EDARADD: variants seen among roughly 807,000 people sequenced by gnomAD.
The protein encoded by EDARADD is ectodysplasin-A receptor-associated adapter protein.
EDARADD carries 20 observed loss-of-function variants against 25.6 expected under a neutral mutation model. That is an observed-to-expected ratio of 0.78 (90% CI 0.55 to 1.14). The LOEUF (loss-of-function observed/expected upper bound fraction) is 1.14, where lower values mean the gene tolerates loss of function less well. EDARADD is among the 50% of genes most tolerant of loss of function. The pLI, the probability that EDARADD is intolerant of heterozygous loss-of-function variation, is 0.00. For synonymous variants in EDARADD, 86 were observed against 94.4 expected, an observed-to-expected ratio of 0.91 and a Z score of 0.52; for missense variants, 225 against 270.1, an observed-to-expected ratio of 0.83 and a Z score of 1.17.
chr1:236,368,014 C>T (rs1026340784), intron 3 of EDARADD, among the ~76,000 whole-genome samples: 1 of 152,028 alleles, frequency 6.6e-6, no homozygotes, highest in Non-Finnish European at 1.5e-5. Context: ...GAGGCTGAAG[C>T]AGGAGGATCA....
At position 236,455,842 on chromosome 1, in the gene EDARADD, A is replaced by T. The variant is rs764765280; in HGVS notation, c.220-12389A>T. On this transcript the variant is annotated intron_variant, in intron 4 of 5. Transcript: ENST00000334232. ...TCTCGCTCTGTCACCCAGGCTGGAGAGCAGTTGCGCGATCTTTGCTCACTG... is the reference window on the plus strand; with the variant it reads ...TCTCGCTCTGTCACCCAGGCTGGAGTGCAGTTGCGCGATCTTTGCTCACTG... Among the ~76,000 whole-genome samples, 50 of 151,340 alleles carry T rather than the reference A, an allele frequency of 3.3e-4. 1 individual carries two copies. The highest frequency in any genetic ancestry group is 9.5e-4 in the African/African-American group (39 of 41,224).
chr1:236,451,768 G>A (rs1286829993), intron 4 of EDARADD, among the ~76,000 whole-genome samples: 3 of 152,086 alleles, frequency 2.0e-5, no homozygotes, highest in Admixed American at 6.5e-5. Flanking sequence ...TCTGAAATTT[G>A]GAGGCCTTAA....
chr1:236,359,442 C>T (rs1459358028), intron 3 of EDARADD, among the ~76,000 whole-genome samples: 4 of 152,182 alleles, frequency 2.6e-5, no homozygotes, highest in Non-Finnish European at 5.9e-5. Flanking sequence ...GTTTAAGGTG[C>T]CATCTTGGGA....
At chr1:236,418,855 G>A (rs1260149857) in intron 3 of EDARADD, among the ~76,000 whole-genome samples, 1 of 152,072 alleles carries the variant, frequency 6.6e-6, no homozygotes, top group East Asian at 1.9e-4. Context: ...CCACCTGTGT[G>A]GTTTGCTCTG....
At chr1:236,381,502 T>C (rs1222266282) in intron 3 of EDARADD, among the ~76,000 whole-genome samples, 1 of 152,094 alleles carries the variant, frequency 6.6e-6, no homozygotes, top group Non-Finnish European at 1.5e-5. Context: ...CAACAATTCA[T>C]GCATAAAAAT....
chr1:236,427,688 A>G (rs913338420), intron 4 of EDARADD, among the ~76,000 whole-genome samples: 3 of 152,128 alleles, frequency 2.0e-5, no homozygotes, highest in Non-Finnish European at 4.4e-5. Context: ...CATGCCAACA[A>G]CAGAAAATCA....
At chr1:236,350,254 T>C (rs1666901607) in intron 2 of EDARADD, among the ~76,000 whole-genome samples, 2 of 152,234 alleles carry the variant, frequency 1.3e-5, no homozygotes, top group South Asian at 4.1e-4. Flanking sequence ...TTGATTTTCT[T>C]CCTTGTTATG....
At chr1:236,472,454 C>G (rs1659384104) in intron 5 of EDARADD, among the ~76,000 whole-genome samples, 1 of 152,064 alleles carries the variant, frequency 6.6e-6, no homozygotes, top group Admixed American at 6.6e-5. Flanking sequence ...TTGTAAATTT[C>G]CCTGGGGGTT....
chr1:236,412,002 G>C (rs1323230795), intron 2 of EDARADD, among the ~76,000 whole-genome samples: 1 of 152,162 alleles, frequency 6.6e-6, no homozygotes. Context: ...TGGTTTGGGA[G>C]ACAGAATTCA....
chr1:236,476,805 G>A (rs982045950), intron 5 of EDARADD, among the ~76,000 whole-genome samples: 1 of 152,032 alleles, frequency 6.6e-6, no homozygotes, highest in Non-Finnish European at 1.5e-5. Context: ...GATTACAGGC[G>A]TGAGCCACCT....
intron 4 of EDARADD, among the ~76,000 whole-genome samples, chr1:236,439,851 T>G (rs1658355334): frequency 6.6e-6 from 1 of 152,238 alleles, no homozygotes; most frequent in South Asian, 2.1e-4. Flanking sequence ...TTAATTTTAA[T>G]GAAGTCCAGT....
intron 2 of EDARADD, among the ~76,000 whole-genome samples, chr1:236,412,567 C>T (rs1374741603): frequency 6.6e-6 from 1 of 152,146 alleles, no homozygotes; most frequent in Non-Finnish European, 1.5e-5. Context: ...AACAGACTCT[C>T]TGTTTCAGTT....
chr1:236,433,525 G>T lies in EDARADD; in HGVS notation c.219+6075G>T, dbSNP rs546268034. Among the ~76,000 whole-genome samples the T allele has an allele frequency of 1.5e-4, 23 of 151,620 alleles. 1 individual carries two copies. In the South Asian group the frequency reaches 4.6e-3, roughly 30 times the overall value. On this transcript the variant is annotated intron_variant, in intron 4 of 5. Coordinates refer to ENST00000334232, the MANE Select transcript of EDARADD (RefSeq NM_145861.4). ...GGGGTTTCACCATGTTGGCCAGGCT[G>T]GTCTCGAACTCCTGACCTCAGGTGA...
chr1:236,441,292 A>G (rs1041580889), intron 4 of EDARADD, among the ~76,000 whole-genome samples: 3 of 145,266 alleles, frequency 2.1e-5, no homozygotes, highest in African/African-American at 7.5e-5. Context: ...TTATATATAT[A>G]TAAATAATGT....
At chr1:236,448,426 C>T (rs1391160836) in intron 4 of EDARADD, among the ~76,000 whole-genome samples, 1 of 152,192 alleles carries the variant, frequency 6.6e-6, no homozygotes, top group African/African-American at 2.4e-5. Flanking sequence ...GGGTCTGATC[C>T]TAGAGTCAGC....
intron 5 of EDARADD, among the ~76,000 whole-genome samples, chr1:236,476,104 A>AGCAGCGAT (rs1191021675): frequency 6.6e-6 from 1 of 152,128 alleles, no homozygotes; most frequent in Non-Finnish European, 1.5e-5. Context: ...AAGCAGGAGA[A>AGCAGCGAT]TCGCTGGAAC....
chr1:236,365,948 A>C (rs603908), intron 3 of EDARADD, among the ~76,000 whole-genome samples: 52,329 of 152,018 alleles, frequency 0.34, 9,268 homozygotes, highest in African/African-American at 0.42. Context: ...CATTTCTTCT[A>C]TAGAACTTTG....
chr1:236,448,124 C>T (rs1224176761), intron 4 of EDARADD, among the ~76,000 whole-genome samples: 4 of 152,168 alleles, frequency 2.6e-5, no homozygotes. Flanking sequence ...CATGAGCCAC[C>T]GCGCCTGGCC....
chr1:236,453,190 C>T (rs1346472616), intron 4 of EDARADD, among the ~76,000 whole-genome samples: 3 of 152,070 alleles, frequency 2.0e-5, no homozygotes, highest in Admixed American at 2.0e-4. Context: ...GAAAGCCTAG[C>T]AGTAACTACA....
Sources: gnomAD v4.1 joint callset for allele counts (sites outside exome capture counted in the v4.1 genomes callset) on GRCh38, gnomAD v4.1.1 for gene constraint, MANE v1.5 for transcripts, NCBI Gene and HGNC (gene_info 2026-07-23, HGNC 2026-07-21) for gene names.